The following KCNH8 variants were observed in gnomAD, a reference collection of about 807,000 sequenced individuals.
KCNH8 encodes voltage-gated delayed rectifier potassium channel KCNH8.
Under a neutral mutation model 103.6 loss-of-function variants are expected in KCNH8, and 70 were observed. The observed-to-expected ratio is 0.68, with a 90% CI of 0.56 to 0.82. KCNH8 has a LOEUF of 0.82. Among genes scored for constraint, KCNH8 ranks in the 40% least tolerant of loss-of-function variants. The pLI, the probability that KCNH8 is intolerant of heterozygous loss-of-function variation, is 0.00. For missense variants in KCNH8, 1,217 were observed against 1,329.9 expected, an observed-to-expected ratio of 0.92 and a Z score of 1.32; for synonymous variants, 498 against 489.4, an observed-to-expected ratio of 1.02 and a Z score of -0.23.
chr3:19,535,618 G>A lies in KCNH8; in HGVS notation c.*1519G>A, dbSNP rs530730508. The A allele has an allele frequency of 6.6e-6, 1 of 152,274 alleles. No homozygotes were observed. The highest frequency in any genetic ancestry group is 1.9e-4 in the East Asian group (1 of 5,184). The allele number at this position is 152,274 out of a possible 1,614,324, so 9.4% of individuals were successfully genotyped here. ...CACCACAAAAAATAATCTGAGAATT[G>A]TATCATTAAAAGTATCTAAACACAC... On this transcript the variant is annotated 3_prime_UTR_variant, in exon 16 of 16. Coordinates refer to ENST00000328405, the MANE Select transcript of KCNH8 (RefSeq NM_144633.3).
At chr3:19,269,645 A>G (rs762450627) in intron 2 of KCNH8, among the ~76,000 whole-genome samples, 14 of 151,786 alleles carry the variant, frequency 9.2e-5, no homozygotes, top group South Asian at 2.1e-4. Context: ...GACTCAGACC[A>G]CAATCTCCAT....
intron 2 of KCNH8, among the ~76,000 whole-genome samples, chr3:19,254,819 T>G (rs959010261): frequency 6.6e-6 from 1 of 152,138 alleles, no homozygotes; most frequent in African/African-American, 2.4e-5. Flanking sequence ...TTCTTTGTAA[T>G]TAGGTTGGGC....
intron 2 of KCNH8, among the ~76,000 whole-genome samples, chr3:19,258,931 CTCTCTCTCTCTCTCTCTATATATATA>C (rs1368581917): frequency 9.6e-5 from 8 of 83,312 alleles, no homozygotes; most frequent in African/African-American, 3.9e-4. Flanking sequence ...CTCTCTCTCT[CTCTCTCTCTCTCTCTCTATATATATA>C]TATATATATA....
chr3:19,281,056 G>A (rs1022274785), intron 2 of KCNH8, 142 bp from the exon 3 acceptor site: 2 of 784,674 alleles, frequency 2.5e-6, no homozygotes, highest in African/African-American at 3.6e-5. Flanking sequence ...TATGGAACCT[G>A]AAAACTGACA....
chr3:19,189,327 AAATT>A (rs1229476985), intron 1 of KCNH8, among the ~76,000 whole-genome samples: 1 of 152,066 alleles, frequency 6.6e-6, no homozygotes, highest in African/African-American at 2.4e-5. Flanking sequence ...TTTCATATGA[AAATT>A]AGTATACTGT....
intron 7 of KCNH8, among the ~76,000 whole-genome samples, chr3:19,408,372 G>T (rs1399112124): frequency 2.0e-5 from 3 of 152,060 alleles, no homozygotes; most frequent in Non-Finnish European, 4.4e-5. Context: ...AATCCTACCT[G>T]CATGAACATA....
chr3:19,148,761 C>T lies in KCNH8; in HGVS notation c.42C>T (p.Phe14=), dbSNP rs1559397083. 3 of 1,614,200 alleles carry T rather than the reference C, an allele frequency of 1.9e-6. No homozygotes were observed. Among genetic ancestry groups the T allele is most frequent in the African/African-American group, 2.7e-5 (2 of 75,064 alleles). ...MKGLLAPQNT[F]LDTIATRFDG... ...GATTACTGGCGCCGCAAAACACCTTCCTGGACACCATCGCCACCCGTTTTG... is the reference window on the plus strand; with the variant it reads ...GATTACTGGCGCCGCAAAACACCTTTCTGGACACCATCGCCACCCGTTTTG... Residue 14 remains phenylalanine (F), a synonymous_variant, in exon 1 of 16, where the codon TTC becomes TTT. Coordinates refer to ENST00000328405, the MANE Select transcript of KCNH8 (RefSeq NM_144633.3).
At chr3:19,162,911 G>T (rs2063247952) in intron 1 of KCNH8, among the ~76,000 whole-genome samples, 1 of 152,098 alleles carries the variant, frequency 6.6e-6, no homozygotes, top group South Asian at 2.1e-4. Flanking sequence ...TGGGGGAAAA[G>T]TAGAATTTAA....
intron 5 of KCNH8, among the ~76,000 whole-genome samples, chr3:19,374,759 T>C (rs1018197484): frequency 5.3e-5 from 8 of 152,208 alleles, no homozygotes; most frequent in Non-Finnish European, 1.0e-4. Context: ...TTCCTTTCCA[T>C]GTTTAGTGCT....
chr3:19,481,166 TTTG>T (rs1376522781), intron 11 of KCNH8, among the ~76,000 whole-genome samples: 1 of 152,124 alleles, frequency 6.6e-6, no homozygotes, highest in Non-Finnish European at 1.5e-5. Flanking sequence ...CTTCATTGAT[TTTG>T]TTGTTTATTT....
chr3:19,484,175 ATT>A (rs2068152714), intron 11 of KCNH8, among the ~76,000 whole-genome samples: 2 of 152,072 alleles, frequency 1.3e-5, no homozygotes, highest in Non-Finnish European at 2.9e-5. Flanking sequence ...TCTTAATCTT[ATT>A]TTAAAAACTG....
intron 3 of KCNH8, 40 bp from the exon 4 acceptor site, chr3:19,342,547 A>G (rs1380231020): frequency 3.2e-6 from 5 of 1,584,888 alleles, no homozygotes; most frequent in Non-Finnish European, 4.3e-6. Flanking sequence ...AGGTGAAATG[A>G]TGCATGCATG....
At chr3:19,381,346 T>C (rs895709721) in intron 5 of KCNH8, among the ~76,000 whole-genome samples, 2 of 152,184 alleles carry the variant, frequency 1.3e-5, no homozygotes, top group African/African-American at 4.8e-5. Flanking sequence ...ATCTGGAAAA[T>C]GTAAATCTTG....
intron 5 of KCNH8, among the ~76,000 whole-genome samples, chr3:19,374,599 T>C (rs2066160697): frequency 6.6e-6 from 1 of 152,176 alleles, no homozygotes; most frequent in African/African-American, 2.4e-5. Flanking sequence ...ATTTAGTCCA[T>C]TTACATTTAA....
At chr3:19,182,210 A>G (rs1470954990) in intron 1 of KCNH8, among the ~76,000 whole-genome samples, 1 of 152,164 alleles carries the variant, frequency 6.6e-6, no homozygotes, top group Non-Finnish European at 1.5e-5. Flanking sequence ...TGCTTTGGCC[A>G]ATGGAACATT....
intron 11 of KCNH8, among the ~76,000 whole-genome samples, chr3:19,501,855 A>T (rs569247928): frequency 6.6e-6 from 1 of 152,126 alleles, no homozygotes; most frequent in Non-Finnish European, 1.5e-5. Flanking sequence ...ATTCCCTTTG[A>T]AAACTGGCAC....
At chr3:19,276,422 G>A (rs938446244) in intron 2 of KCNH8, among the ~76,000 whole-genome samples, 2 of 151,988 alleles carry the variant, frequency 1.3e-5, no homozygotes, top group Non-Finnish European at 2.9e-5. Context: ...ATTTCAAAAA[G>A]TAAAGATGTT....
intron 11 of KCNH8, among the ~76,000 whole-genome samples, chr3:19,458,799 C>CT (rs2067574741): frequency 6.6e-6 from 1 of 151,938 alleles, no homozygotes. Context: ...CTCTCTGCTT[C>CT]TTTGAGTTCA....
intron 3 of KCNH8, among the ~76,000 whole-genome samples, chr3:19,325,535 C>T (rs1406649227): frequency 1.3e-5 from 2 of 152,086 alleles, no homozygotes; most frequent in Admixed American, 1.3e-4. Flanking sequence ...GGGACATGAA[C>T]AGACACTTCT....
Sources: allele counts gnomAD v4.1 joint callset (sites outside exome capture counted in the v4.1 genomes callset), GRCh38; gene constraint gnomAD v4.1.1; transcripts MANE v1.5; gene names NCBI Gene and HGNC (gene_info 2026-07-23, HGNC 2026-07-21).